FRAS1: variants seen among roughly 807,000 people sequenced by gnomAD.
FRAS1 encodes extracellular matrix organizing protein FRAS1.
A neutral mutation model predicts 435.2 loss-of-function variants in FRAS1; 290 were observed. The observed-to-expected ratio is 0.67, with a 90% CI of 0.61 to 0.73. FRAS1 has a LOEUF of 0.73. Ranked by LOEUF, FRAS1 falls within the 30% of genes least tolerant of loss-of-function variation. The pLI is 0.00. For missense variants in FRAS1, 4,860 were observed against 5,001.5 expected (o/e 0.97, Z 0.85); for synonymous variants, 1,800 against 1,851.0 (o/e 0.97, Z 0.71).
At chr4:78,277,265 G>A (rs562790734) in intron 9 of FRAS1, among the ~76,000 whole-genome samples, 47 of 152,282 alleles carry the variant, frequency 3.1e-4, no homozygotes, top group Non-Finnish European at 5.9e-4. Flanking sequence ...GCACTTCCCT[G>A]GTGAGGCAAT....
At chr4:78,518,440 A>G (rs911734455) in intron 66 of FRAS1, among the ~76,000 whole-genome samples, 25 of 121,616 alleles carry the variant, frequency 2.1e-4, no homozygotes, top group Admixed American at 8.0e-4. Context: ...ATATATATAT[A>G]TATATATATA....
At chr4:78,337,969 C>A in intron 20 of FRAS1, 152 bp downstream of exon 20, 1 of 684,878 alleles carries the variant, frequency 1.5e-6, no homozygotes, top group Non-Finnish European at 2.5e-6. Flanking sequence ...ACTGCTTCTC[C>A]TTGGGCATTT....
intron 34 of FRAS1, among the ~76,000 whole-genome samples, chr4:78,422,763 A>G (rs1037461102): frequency 6.6e-6 from 1 of 152,200 alleles, no homozygotes; most frequent in Non-Finnish European, 1.5e-5. Context: ...TGGCTTTTCA[A>G]AAGAAACTCT....
intron 18 of FRAS1, among the ~76,000 whole-genome samples, chr4:78,326,702 A>G (rs929641505): frequency 6.6e-6 from 1 of 152,222 alleles, no homozygotes; most frequent in Non-Finnish European, 1.5e-5. Flanking sequence ...CATTAAATCT[A>G]TGGAAAAGTT....
At chr4:78,065,152 AGTATATAGTGGG>A (rs1739965710) in intron 1 of FRAS1, among the ~76,000 whole-genome samples, 1 of 146,132 alleles carries the variant, frequency 6.8e-6, no homozygotes. Flanking sequence ...TACTATATAT[AGTATATAGTGGG>A]TATATATGTA....
intron 9 of FRAS1, among the ~76,000 whole-genome samples, chr4:78,277,565 A>G (rs1333536895): frequency 1.3e-5 from 2 of 152,180 alleles, no homozygotes; most frequent in Non-Finnish European, 2.9e-5. Context: ...ATACTAACAT[A>G]TAGATCAGAT....
intron 47 of FRAS1, among the ~76,000 whole-genome samples, chr4:78,459,170 C>T (rs1318689251): frequency 6.6e-6 from 1 of 152,022 alleles, no homozygotes; most frequent in African/African-American, 2.4e-5. Context: ...TTAAAAGGAC[C>T]CCAATGAAAT....
rs745597204 is a variant in FRAS1, at chr4:78,473,466, T to C, written c.7551T>C (p.Tyr2517=). The change falls in exon 53 of 74, where the codon TAT becomes TAC. Residue 2517 remains tyrosine (Y), a synonymous_variant. Coordinates refer to ENST00000512123, the MANE Select transcript of FRAS1 (RefSeq NM_025074.7). ...ATGTGAACTTGGGGTTGATTCGTTATGTGTTGCACAAGGAGAAGATCCGTG... is the reference window on the plus strand; with the variant it reads ...ATGTGAACTTGGGGTTGATTCGTTACGTGTTGCACAAGGAGAAGATCCGTG... ...QEDVNLGLIR[Y]VLHKEKIREM... is the part of the protein sequence containing the mutation. 6.2e-7 allele frequency: 1 copy of C among 1,613,518 alleles called. No individual in the cohort carries two copies. Among genetic ancestry groups the C allele is most frequent in the Non-Finnish European group, 8.5e-7 (1 of 1,179,616 alleles).
chr4:78,402,802 C>T (rs1480333088), intron 30 of FRAS1, among the ~76,000 whole-genome samples: 1 of 152,170 alleles, frequency 6.6e-6, no homozygotes, highest in Admixed American at 6.5e-5. Context: ...CACACTTCCT[C>T]CGTCTTTGTC....
At chr4:78,504,880 AT>A (rs1233128207) in intron 61 of FRAS1, among the ~76,000 whole-genome samples, 1 of 152,090 alleles carries the variant, frequency 6.6e-6, no homozygotes, top group African/African-American at 2.4e-5. Context: ...TCCTTTCCAT[AT>A]TTAGTGCTTC....
chr4:78,499,340 C>T (rs573717430), intron 60 of FRAS1, among the ~76,000 whole-genome samples: 22 of 152,226 alleles, frequency 1.4e-4, no homozygotes, highest in Middle Eastern at 3.4e-3. Flanking sequence ...ATTTATGTGA[C>T]AGGTATTTAT....
At chr4:78,167,782 T>C (rs185713454) in intron 2 of FRAS1, among the ~76,000 whole-genome samples, 1 of 152,146 alleles carries the variant, frequency 6.6e-6, no homozygotes, top group Admixed American at 6.5e-5. Flanking sequence ...ACCACCATGC[T>C]ATACTTAGAT....
chr4:78,361,510 C>G (rs1005740020), intron 20 of FRAS1, among the ~76,000 whole-genome samples: 1 of 152,178 alleles, frequency 6.6e-6, no homozygotes, highest in African/African-American at 2.4e-5. Flanking sequence ...TTGAGGCAGA[C>G]TCTTGTGGCT....
intron 33 of FRAS1, 150 bp from the exon 34 acceptor site, chr4:78,421,713 G>C (rs765794527): frequency 1.2e-5 from 10 of 815,712 alleles, no homozygotes; most frequent in Non-Finnish European, 1.8e-5. Context: ...TAAATAACCA[G>C]AGAGTGGCAT....
chr4:78,334,363 CTTTTTTTTTTTTTTTTTT>C, intron 19 of FRAS1, among the ~76,000 whole-genome samples: 1 of 92,274 alleles, frequency 1.1e-5, no homozygotes, highest in African/African-American at 4.5e-5. Flanking sequence ...AACCAATTTT[CTTTTTTTTTTTTTTTTTT>C]TTTTTTTTGA....
At chr4:78,386,119 G>C (rs1732208962) in intron 28 of FRAS1, among the ~76,000 whole-genome samples, 1 of 152,124 alleles carries the variant, frequency 6.6e-6, no homozygotes, top group Non-Finnish European at 1.5e-5. Context: ...TGTGGCTTGT[G>C]TGTTTTTCCA....
intron 2 of FRAS1, among the ~76,000 whole-genome samples, chr4:78,209,869 G>A (rs1723429309): frequency 6.6e-6 from 1 of 152,156 alleles, no homozygotes. Context: ...CTGTTGACCT[G>A]CCTCTCAAAT....
At chr4:78,253,211 A>G (rs947481050) in intron 5 of FRAS1, among the ~76,000 whole-genome samples, 1 of 152,216 alleles carries the variant, frequency 6.6e-6, no homozygotes, top group African/African-American at 2.4e-5. Flanking sequence ...GTCTGCAAGA[A>G]GAAAAAATAT....
chr4:78,529,187 AG>A (rs988804640), intron 70 of FRAS1, among the ~76,000 whole-genome samples: 4 of 152,162 alleles, frequency 2.6e-5, no homozygotes, highest in Non-Finnish European at 5.9e-5. Context: ...GATTCATGGC[AG>A]GAACAATGCC....
Sources: allele counts gnomAD v4.1 joint callset (sites outside exome capture counted in the v4.1 genomes callset), GRCh38; gene constraint gnomAD v4.1.1; transcripts MANE v1.5; gene names NCBI Gene and HGNC (gene_info 2026-07-23, HGNC 2026-07-21).